The following CPS1 variants were observed in gnomAD, a reference collection of about 807,000 sequenced individuals.
CPS1 encodes carbamoyl-phosphate synthase [ammonia], mitochondrial.
CPS1 carries 109 observed loss-of-function variants against 174.6 expected under a neutral mutation model. The ratio of observed to expected loss-of-function variants is 0.62; its 90% CI spans 0.53 to 0.73. The LOEUF is 0.73. Among genes scored for constraint, CPS1 ranks in the 30% least tolerant of loss-of-function variants. The pLI, the probability that CPS1 is intolerant of heterozygous loss-of-function variation, is 0.00. For missense variants in CPS1, 1,689 were observed against 1,821.9 expected (o/e 0.93, Z 1.33); for synonymous variants, 637 against 632.0 (o/e 1.01, Z -0.12).
upstream of CPS1, among the ~76,000 whole-genome samples, chr2:210,554,437 C>T (rs528182051): frequency 1.8e-4 from 28 of 151,716 alleles, no homozygotes; most frequent in East Asian, 5.8e-4. Context: ...TATGGAAAAA[C>T]ATGTTTAATT....
At chr2:210,529,786 T>C (rs1696071549) in intron 1 of CPS1, among the ~76,000 whole-genome samples, 1 of 152,032 alleles carries the variant, frequency 6.6e-6, no homozygotes, top group Non-Finnish European at 1.5e-5. Flanking sequence ...ATATGGATTC[T>C]ATTTGGTTTC....
chr2:210,580,840 G>A (rs1257179495), intron 5 of CPS1, among the ~76,000 whole-genome samples: 7 of 144,850 alleles, frequency 4.8e-5, no homozygotes, highest in Non-Finnish European at 1.0e-4. Flanking sequence ...CAACCTGGGC[G>A]ACTACAGGAC....
At position 210,611,657 on chromosome 2, in the gene CPS1, A is replaced by C. The variant is rs113904866; in HGVS notation, c.2392-460A>C. Among the ~76,000 whole-genome samples the C allele has an allele frequency of 6.2e-4, 94 of 152,082 alleles. 1 individual carries two copies. Among genetic ancestry groups the C allele is most frequent in the African/African-American group, 1.8e-3 (74 of 41,528 alleles). Reference sequence around the variant, plus strand: ...TAATGCTTAGCTGTAAGGAAAGCCAACCTGTCTTGAATACTGACTGATACT... The same window carrying C: ...TAATGCTTAGCTGTAAGGAAAGCCACCCTGTCTTGAATACTGACTGATACT... On this transcript the variant is annotated intron_variant, in intron 19 of 37. Coordinates refer to ENST00000233072, the MANE Select transcript of CPS1 (RefSeq NM_001875.5).
rs772786711 is a variant in CPS1 at position 210,600,711 on chromosome 2, C to A, written c.1706C>A (p.Ser569Ter). Residue 569 changes from serine (S) to a stop codon, truncating the protein, a stop_gained and splice_region_variant, in exon 15 of 38, where the codon TCG becomes TAG. Coordinates refer to ENST00000233072, the MANE Select transcript of CPS1 (RefSeq NM_001875.5). LOFTEE classifies it high-confidence loss of function. ...ATTGCTCCAAGTTTTGCAGTGGAAT[C>A]GGTAAGGATTCTTTGCTTTGGAAAA... Reference protein sequence around the residue: ...EKIAPSFAVESIEDALKAADT... With the variant: ...EKIAPSFAVE The A allele has an allele frequency of 6.2e-7, 1 of 1,611,642 alleles. No homozygotes were observed.
intron 16 of CPS1, 98 bp from the exon 17 acceptor site, chr2:210,605,004 G>T (rs906038955): frequency 1.5e-6 from 2 of 1,362,192 alleles, no homozygotes; most frequent in African/African-American, 1.4e-5. Context: ...TGAGAGTTCA[G>T]TGCTGACCAG....
chr2:210,604,983 G>A, intron 16 of CPS1, 119 bp from the exon 17 acceptor site: 1 of 1,067,190 alleles, frequency 9.4e-7, no homozygotes, highest in Non-Finnish European at 1.4e-6. Flanking sequence ...GGGGAGAATG[G>A]AGACGGGGTT....
intron 21 of CPS1, among the ~76,000 whole-genome samples, chr2:210,637,370 G>A (rs375868888): frequency 3.3e-5 from 5 of 152,268 alleles, no homozygotes; most frequent in African/African-American, 1.2e-4. Context: ...AAGGGCTCCT[G>A]GATTTAGAGA....
At chr2:210,621,292 C>T (rs1002812815) in intron 21 of CPS1, among the ~76,000 whole-genome samples, 3 of 152,008 alleles carry the variant, frequency 2.0e-5, no homozygotes, top group Non-Finnish European at 2.9e-5. Context: ...ATGTAGGATT[C>T]GAATACTTGT....
chr2:210,533,330 C>T (rs780058663), intron 1 of CPS1, among the ~76,000 whole-genome samples: 3 of 152,144 alleles, frequency 2.0e-5, no homozygotes, highest in Admixed American at 6.5e-5. Flanking sequence ...CAAACAGTAG[C>T]TAATAGTTCT....
chr2:210,484,719 A>G (rs1310609867), intron 1 of CPS1, among the ~76,000 whole-genome samples: 1 of 152,034 alleles, frequency 6.6e-6, no homozygotes, highest in Admixed American at 6.6e-5. Context: ...CCCTCCCTAA[A>G]TTCTGTATTC....
At chr2:210,598,728 C>A (rs978801068) in intron 13 of CPS1, among the ~76,000 whole-genome samples, 3 of 151,776 alleles carry the variant, frequency 2.0e-5, no homozygotes, top group East Asian at 3.9e-4. Context: ...TTCTTAGAGA[C>A]CTGCAAAGAG....
chr2:210,535,639 A>G (rs1469265024), intron 1 of CPS1, among the ~76,000 whole-genome samples: 1 of 152,086 alleles, frequency 6.6e-6, no homozygotes, highest in African/African-American at 2.4e-5. Context: ...TGTATTTACC[A>G]TCTCCTCTGG....
intron 1 of CPS1, among the ~76,000 whole-genome samples, chr2:210,510,924 C>G (rs553845359): frequency 1.1e-4 from 16 of 152,198 alleles, no homozygotes; most frequent in Non-Finnish European, 2.2e-4. Context: ...CAATTTTACA[C>G]TGTTGGTGGG....
intron 1 of CPS1, among the ~76,000 whole-genome samples, chr2:210,539,162 A>G (rs1239519707): frequency 6.6e-6 from 1 of 152,210 alleles, no homozygotes; most frequent in Non-Finnish European, 1.5e-5. Flanking sequence ...AAATGGGAAT[A>G]ACAACAGAAT....
At chr2:210,608,730 A>T (rs1399240428) in intron 19 of CPS1, among the ~76,000 whole-genome samples, 171 bp downstream of exon 19, 4 of 152,054 alleles carry the variant, frequency 2.6e-5, no homozygotes, top group African/African-American at 9.6e-5. Context: ...ATATGCTAAC[A>T]GTCTCTATGT....
At chr2:210,495,871 AGT>A (rs377412983) in intron 1 of CPS1, among the ~76,000 whole-genome samples, 1 of 150,998 alleles carries the variant, frequency 6.6e-6, no homozygotes, top group East Asian at 2.0e-4. Flanking sequence ...TGTGTGGGTG[AGT>A]GTGTGTGTGT....
At chr2:210,648,082 T>C (rs751128767) in intron 26 of CPS1, 25 bp downstream of exon 26, 5 of 1,609,356 alleles carry the variant, frequency 3.1e-6, no homozygotes, top group Admixed American at 1.7e-5. Flanking sequence ...AAGTATCTGT[T>C]TCTAATGTTC....
At chr2:210,612,788 C>T (rs983191797) in intron 20 of CPS1, among the ~76,000 whole-genome samples, 1 of 151,910 alleles carries the variant, frequency 6.6e-6, no homozygotes, top group Admixed American at 6.6e-5. Flanking sequence ...TATAAAGGCC[C>T]ACATGATTAT....
upstream of CPS1, among the ~76,000 whole-genome samples, chr2:210,553,354 C>T (rs1696779113): frequency 6.6e-6 from 1 of 151,800 alleles, no homozygotes. Flanking sequence ...CAACCTAGTA[C>T]TTGACATTTT....
Sources: allele counts gnomAD v4.1 joint callset (sites outside exome capture counted in the v4.1 genomes callset), GRCh38; gene constraint gnomAD v4.1.1; transcripts MANE v1.5; gene names NCBI Gene and HGNC (gene_info 2026-07-23, HGNC 2026-07-21).